HOOK3: variants seen among roughly 807,000 people sequenced by gnomAD.
HOOK3 encodes hook microtubule tethering protein 3.
A neutral mutation model predicts 116.3 loss-of-function variants in HOOK3; 24 were observed. The observed-to-expected ratio is 0.21, with a 90% confidence interval of 0.15 to 0.29. The LOEUF is 0.29. Among genes scored for constraint, HOOK3 ranks in the 10% least tolerant of loss-of-function variants. The pLI, the probability that HOOK3 is intolerant of heterozygous loss-of-function variation, is 1.00. For missense variants in HOOK3, 632 were observed against 830.2 expected, an observed-to-expected ratio of 0.76 and a Z score of 2.93; for synonymous variants, 275 against 283.0, an observed-to-expected ratio of 0.97 and a Z score of 0.28.
intron 13 of HOOK3, among the ~76,000 whole-genome samples, chr8:42,975,267 ATTT>A (rs982349879): frequency 6.6e-6 from 1 of 152,102 alleles, no homozygotes; most frequent in Non-Finnish European, 1.5e-5. Context: ...GTTAGGGATT[ATTT>A]TTATTCCAGC....
chr8:42,972,487 C>T (rs1808743637), intron 11 of HOOK3, among the ~76,000 whole-genome samples: 1 of 152,120 alleles, frequency 6.6e-6, no homozygotes, highest in Non-Finnish European at 1.5e-5. Flanking sequence ...TCATAGCTCA[C>T]TGCAATCTTG....
At chr8:42,995,419 C>T (rs1004163494) in intron 15 of HOOK3, among the ~76,000 whole-genome samples, 10 of 152,100 alleles carry the variant, frequency 6.6e-5, no homozygotes, top group Non-Finnish European at 1.3e-4. Flanking sequence ...TTATTCAGTT[C>T]CCCCTTCTTC....
chr8:42,943,252 T>A, intron 4 of HOOK3, 61 bp from the exon 5 acceptor site: 2 of 375,600 alleles, frequency 5.3e-6, no homozygotes, highest in Non-Finnish European at 7.8e-6. Context: ...CTCGATCAAG[T>A]TTTTTTTTTT....
rs902923977 is a variant in HOOK3, at chr8:43,026,623, CAGA to C, written c.*8129_*8131del. The C allele has an allele frequency of 9.1e-6, 2 of 219,580 alleles. No individual in the cohort carries two copies. The highest frequency in any genetic ancestry group is 4.5e-5 in the African/African-American group (2 of 44,604). The allele number at this position is 219,580 out of a possible 1,614,324, so 13.6% of individuals were successfully genotyped here. On this transcript the variant is annotated 3_prime_UTR_variant, in exon 22 of 22. Coordinates refer to ENST00000307602, the MANE Select transcript of HOOK3 (RefSeq NM_032410.4). ...AAAATTATCCCATCTTACAGTTAATCAGAAGATGTTCTTACCTTTGGTTTGCCT... is the reference window on the plus strand; with the variant it reads ...AAAATTATCCCATCTTACAGTTAATCAGATGTTCTTACCTTTGGTTTGCCT...
chr8:42,942,241 A>G (rs1808141687), intron 4 of HOOK3, among the ~76,000 whole-genome samples: 1 of 152,204 alleles, frequency 6.6e-6, no homozygotes, highest in Non-Finnish European at 1.5e-5. Flanking sequence ...AACAAGAGTG[A>G]AACTCCATCT....
chr8:42,956,142 C>T (rs1444459707), intron 6 of HOOK3, among the ~76,000 whole-genome samples: 1 of 151,954 alleles, frequency 6.6e-6, no homozygotes, highest in African/African-American at 2.4e-5. Context: ...TGACAGTTGT[C>T]ATAACCAGAA....
At chr8:43,012,702 T>C (rs1051423965) in intron 19 of HOOK3, among the ~76,000 whole-genome samples, 2 of 152,092 alleles carry the variant, frequency 1.3e-5, no homozygotes, top group Non-Finnish European at 2.9e-5. Context: ...CAGGCTCAAG[T>C]GATCGTCCTG....
At chr8:42,967,377 C>T (rs1399642240) in intron 10 of HOOK3, among the ~76,000 whole-genome samples, 3 of 152,156 alleles carry the variant, frequency 2.0e-5, no homozygotes, top group Non-Finnish European at 4.4e-5. Context: ...TCTCCAAAAC[C>T]TCTAAACTTC....
At chr8:42,921,681 T>G (rs943472474) in intron 2 of HOOK3, among the ~76,000 whole-genome samples, 7 of 152,202 alleles carry the variant, frequency 4.6e-5, no homozygotes, top group Admixed American at 4.6e-4. Context: ...AGAGACTCTT[T>G]GGATCATTGA....
At chr8:42,967,172 T>C (rs962386447) in intron 10 of HOOK3, among the ~76,000 whole-genome samples, 2 of 152,170 alleles carry the variant, frequency 1.3e-5, no homozygotes, top group African/African-American at 4.8e-5. Context: ...GTGGCTTCCT[T>C]CTGAGCTGGG....
chr8:42,968,181 A>G lies in HOOK3; in HGVS notation c.1089A>G (p.Ala363=), dbSNP rs752240786. 2 of 1,613,956 alleles carry G rather than the reference A, an allele frequency of 1.2e-6. No homozygotes were observed. The highest frequency in any genetic ancestry group is 1.1e-5 in the South Asian group (1 of 91,026). Residue 363 remains alanine (A), a synonymous_variant, in exon 11 of 22, where the codon GCA becomes GCG. Transcript: ENST00000307602. ...AGGAAGAGTTAAGAAAGGCCAACGC[A>G]GCGCGAAGTCAACTTGAAACCTACA... The part of the protein sequence containing the change: ...SLEEELRKAN[A]ARSQLETYKR...
intron 15 of HOOK3, 43 bp from the exon 16 acceptor site, chr8:42,997,507 C>T (rs373928823): frequency 2.9e-5 from 37 of 1,261,046 alleles, no homozygotes; most frequent in African/African-American, 2.4e-4. Context: ...AAAAGGCATA[C>T]GTAACTCACC....
chr8:42,951,143 C>T (rs1808337682), intron 6 of HOOK3, among the ~76,000 whole-genome samples: 1 of 152,074 alleles, frequency 6.6e-6, no homozygotes, highest in Admixed American at 6.5e-5. Flanking sequence ...TCACTGCAAC[C>T]TCCACCACCC....
intron 2 of HOOK3, 34 bp downstream of exon 2, chr8:42,906,292 T>G: frequency 7.3e-7 from 1 of 1,361,942 alleles, no homozygotes; most frequent in South Asian, 1.2e-5. Context: ...ATGTGTATTC[T>G]TATGCATGGA....
intron 2 of HOOK3, among the ~76,000 whole-genome samples, chr8:42,913,963 GA>G (rs1422923584): frequency 2.6e-5 from 4 of 152,126 alleles, no homozygotes; most frequent in Non-Finnish European, 4.4e-5. Flanking sequence ...ACATATGCCA[GA>G]AAAACGGTAA....
At position 42,922,558 on chromosome 8, in the gene HOOK3, TA is replaced by T. The variant is rs944140835; in HGVS notation, c.144-2989del. On this transcript the variant is annotated intron_variant, in intron 2 of 21. Coordinates refer to ENST00000307602, the MANE Select transcript of HOOK3 (RefSeq NM_032410.4). ...GGCAACAGAGTGGGAACCTGTCTCT[TA>T]AAAAAAAAATTAAAAACTTTGTTTG... Among the ~76,000 whole-genome samples the T allele has an allele frequency of 9.7e-5, 14 of 144,612 alleles. No homozygotes were observed. In the South Asian group the frequency reaches 1.1e-3, roughly 11 times the overall value. 94.9% of individuals were successfully genotyped at this position (144,612 alleles called of 152,430 possible).
chr8:42,958,203 T>C (rs2130409657), intron 7 of HOOK3, among the ~76,000 whole-genome samples: 2 of 152,328 alleles, frequency 1.3e-5, no homozygotes, highest in Non-Finnish European at 2.9e-5. Flanking sequence ...GTACATCTCA[T>C]GCAATACATG....
chr8:43,004,673 T>G (rs1415396238), intron 17 of HOOK3, among the ~76,000 whole-genome samples: 1 of 121,436 alleles, frequency 8.2e-6, no homozygotes, highest in Admixed American at 9.2e-5. Context: ...AGAGCAAGAC[T>G]CCATCTAAAA....
chr8:42,987,556 T>C (rs1368443811), intron 15 of HOOK3, among the ~76,000 whole-genome samples: 1 of 152,236 alleles, frequency 6.6e-6, no homozygotes, highest in Non-Finnish European at 1.5e-5. Flanking sequence ...CAAAGCATTT[T>C]TCTTCTAATC....
Sources: allele counts gnomAD v4.1 joint callset (sites outside exome capture counted in the v4.1 genomes callset), GRCh38; gene constraint gnomAD v4.1.1; transcripts MANE v1.5; gene names NCBI Gene and HGNC (gene_info 2026-07-23, HGNC 2026-07-21).